Variants in MARK2 observed in about 807,000 individuals in gnomAD.
MARK2 encodes the protein microtubule affinity regulating kinase 2.
A neutral mutation model predicts 89.8 loss-of-function variants in MARK2; 16 were observed. That is an observed-to-expected ratio of 0.18 (90% CI 0.12 to 0.27). The LOEUF (loss-of-function observed/expected upper bound fraction) is 0.27. Among genes scored for constraint, MARK2 ranks in the 10% least tolerant of loss-of-function variants. The pLI, the probability that MARK2 is intolerant of heterozygous loss-of-function variation, is 1.00. For synonymous variants in MARK2, 382 were observed against 399.5 expected (o/e 0.96, Z 0.52); for missense variants, 621 against 1,049.9 (o/e 0.59, Z 5.65).
chr11:63,902,879 A>G lies in MARK2; in HGVS notation c.1416+97A>G. On this transcript the variant is annotated intron_variant, in intron 13 of 18. Transcript: ENST00000402010. The surrounding 1 kb of genome is among the most constrained non-coding windows in gnomAD (Gnocchi z 4.2). ...AATTCAGACTCTGTTCCCTTTGGCT[A>G]CTACTTCTGCTTATAGCAGGAAGCC... is the stretch of plus-strand genomic sequence containing the variant. The G allele has an allele frequency of 8.5e-7, 1 of 1,175,288 alleles. No individual in the cohort carries two copies. The highest frequency in any genetic ancestry group is 2.4e-5 in the East Asian group (1 of 42,192). The allele number at this position is 1,175,288 out of a possible 1,614,324, so 72.8% of individuals were successfully genotyped here.
chr11:63,904,996 G>A lies in MARK2; in HGVS notation c.1887G>A (p.Gly629=), dbSNP rs745421643. ...SPSGHSQGRR[G]ASGSIFSKFT... ...CTGGCCACAGCCAGGGCCGGCGGGGGGCCTCTGGGAGCATCTTCAGCAAGT... is the reference window on the plus strand; with the variant it reads ...CTGGCCACAGCCAGGGCCGGCGGGGAGCCTCTGGGAGCATCTTCAGCAAGT... Residue 629 remains glycine (G), a synonymous_variant, in exon 16 of 19, where the codon GGG becomes GGA. Transcript: ENST00000402010. The surrounding 1 kb of genome is among the most constrained non-coding windows in gnomAD (Gnocchi z 6.3). The A allele has an allele frequency of 2.5e-6, 4 of 1,614,170 alleles. No individual in the cohort carries two copies. Among genetic ancestry groups the A allele is most frequent in the Non-Finnish European group, 3.4e-6 (4 of 1,180,012 alleles).
Position 63,904,782 on chromosome 11 carries a change from A to T in MARK2, c.1677-4A>T. 6.2e-7 allele frequency: 1 copy of T among 1,612,116 alleles called. No individual in the cohort carries two copies. Among genetic ancestry groups the T allele is most frequent in the Non-Finnish European group, 8.5e-7 (1 of 1,179,074 alleles). ...CCCCCTCAACCCCACTTCTCTTCCC[A>T]CAGCACAGCCCCCCAGCGTGTCCCT... On this transcript the variant is annotated splice_region_variant and splice_polypyrimidine_tract_variant and intron_variant, in intron 15 of 18. Transcript: ENST00000402010. The surrounding 1 kb of genome is among the most constrained non-coding windows in gnomAD (Gnocchi z 6.3).
At chr11:63,875,091 C>T (rs1214910534) in intron 1 of MARK2, among the ~76,000 whole-genome samples, 2 of 151,462 alleles carry the variant, frequency 1.3e-5, no homozygotes, top group African/African-American at 2.4e-5. Context: ...GCTGGGACCA[C>T]AGGTGCATGC....
chr11:63,845,571 TA>T (rs1487745892), intron 1 of MARK2, among the ~76,000 whole-genome samples: 4 of 152,012 alleles, frequency 2.6e-5, no homozygotes, highest in Non-Finnish European at 4.4e-5. Context: ...AAGGGAAGAG[TA>T]AGCCTTTACA....
At position 63,907,846 on chromosome 11, in the gene MARK2, G is replaced by A. The variant is rs549127745; in HGVS notation, c.1962-414G>A. Among the ~76,000 whole-genome samples the A allele has an allele frequency of 7.9e-5, 12 of 152,334 alleles. No individual in the cohort carries two copies. The East Asian group carries it at 1.7e-3, about 22-fold the overall frequency. On this transcript the variant is annotated intron_variant, in intron 17 of 18. Transcript: ENST00000402010. The stretch of plus-strand genomic sequence containing the variant: ...AGGACTGCAGTCCTGAGACCCTAGC[G>A]TGTGGCTCCAAAAACGCACTCACAC...
chr11:63,891,880 A>C (rs1424911923), intron 1 of MARK2, among the ~76,000 whole-genome samples: 3 of 152,220 alleles, frequency 2.0e-5, no homozygotes, highest in African/African-American at 7.2e-5. Flanking sequence ...GGACAGGGCT[A>C]GGGTACCCTT....
At chr11:63,874,775 G>A (rs1385437570) in intron 1 of MARK2, among the ~76,000 whole-genome samples, 2 of 152,152 alleles carry the variant, frequency 1.3e-5, no homozygotes, top group Non-Finnish European at 2.9e-5. Context: ...ACCAGCATCA[G>A]CGTTAGATAC....
At chr11:63,857,394 T>C (rs1481121843) in intron 1 of MARK2, among the ~76,000 whole-genome samples, 2 of 151,508 alleles carry the variant, frequency 1.3e-5, no homozygotes, top group Non-Finnish European at 2.9e-5. Flanking sequence ...TTGGTCAGGC[T>C]GGTCTCGAAC....
chr11:63,867,747 C>CA (rs1319725244), intron 1 of MARK2, among the ~76,000 whole-genome samples: 27 of 152,216 alleles, frequency 1.8e-4, no homozygotes, highest in African/African-American at 6.0e-4. Context: ...GCCTAACTCT[C>CA]ACCATGGCTG....
intron 1 of MARK2, among the ~76,000 whole-genome samples, chr11:63,847,627 G>C (rs896972114): frequency 6.6e-6 from 1 of 152,196 alleles, no homozygotes; most frequent in Admixed American, 6.5e-5. Context: ...ACAACTATCT[G>C]TCAACAACCC....
rs778575535 is a variant in MARK2 at position 63,900,909 on chromosome 11, C to A, written c.988+30C>A. On this transcript the variant is annotated intron_variant, in intron 10 of 18. Transcript: ENST00000402010. This position sits in a 1 kb window ranked among gnomAD's most constrained non-coding sequence, Gnocchi z 4.7. ...GGCTGTGCCGGGCTGTGAGGTTAAG[C>A]TTGCCTAGGAGTTGAGGCCAGTCTT... The A allele has an allele frequency of 2.2e-5, 35 of 1,612,406 alleles. No individual in the cohort carries two copies. The highest frequency in any genetic ancestry group is 1.7e-4 in the Middle Eastern group (1 of 6,054).
intron 1 of MARK2, among the ~76,000 whole-genome samples, chr11:63,863,066 T>C (rs1288115137): frequency 3.9e-5 from 6 of 152,174 alleles, no homozygotes; most frequent in African/African-American, 1.4e-4. Flanking sequence ...AGGCCTTGTG[T>C]GTGTTTAGGA....
chr11:63,868,716 C>G (rs1938272506), intron 1 of MARK2: 1 of 451,848 alleles, frequency 2.2e-6, no homozygotes, highest in Non-Finnish European at 4.5e-6. Flanking sequence ...TGCGTTGTTG[C>G]TCCTGGTTAC....
intron 1 of MARK2, among the ~76,000 whole-genome samples, chr11:63,887,225 G>T (rs980603623): frequency 1.3e-5 from 2 of 152,242 alleles, no homozygotes; most frequent in Non-Finnish European, 2.9e-5. Flanking sequence ...ATCAAGAAGG[G>T]TTGATGAGAA....
intron 16 of MARK2, 38 bp from the exon 17 acceptor site, chr11:63,906,048 TTC>T (rs1369564573): frequency 1.1e-5 from 15 of 1,355,732 alleles, no homozygotes; most frequent in Non-Finnish European, 5.7e-6. Context: ...TTTTTTTTAT[TTC>T]TTTTTTTATT....
At position 63,839,570 on chromosome 11, in the gene MARK2, C is replaced by T. The variant is rs374777540; in HGVS notation, c.54+10C>T. On this transcript the variant is annotated intron_variant, in intron 1 of 18. Transcript: ENST00000402010. ...GAGGGACACGGAGCAGGTAAGGAGC[C>T]CCGAGGGCTCCCCGAATTCTCTGGC... 14 of 1,518,442 alleles carry T rather than the reference C, an allele frequency of 9.2e-6. No homozygotes were observed. The African/African-American group carries it at 1.8e-4, about 20-fold the overall frequency. 94.1% of individuals were successfully genotyped at this position (1,518,442 alleles called of 1,614,324 possible). A position where few individuals can be genotyped will look rare whatever the true frequency, so the allele number is the denominator to read the frequency against.
chr11:63,881,575 A>T (rs1939093378), intron 1 of MARK2, among the ~76,000 whole-genome samples: 2 of 152,072 alleles, frequency 1.3e-5, no homozygotes, highest in South Asian at 4.1e-4. Flanking sequence ...TTGGGCACTG[A>T]GGGTATATGA....
At chr11:63,853,690 C>T (rs781575618) in intron 1 of MARK2, among the ~76,000 whole-genome samples, 1 of 152,166 alleles carries the variant, frequency 6.6e-6, no homozygotes. Context: ...ACTGCTGACG[C>T]CGTAACATGG....
chr11:63,864,075 T>A (rs191680053), intron 1 of MARK2, among the ~76,000 whole-genome samples: 1 of 152,220 alleles, frequency 6.6e-6, no homozygotes, highest in African/African-American at 2.4e-5. Flanking sequence ...TGCCTCAGCC[T>A]CCCAAGTAGC....
Sources: gnomAD v4.1 joint callset for allele counts (sites outside exome capture counted in the v4.1 genomes callset) on GRCh38, gnomAD v4.1.1 for gene constraint, Gnocchi (gnomAD v3.1) non-coding constraint, MANE v1.5 for transcripts, NCBI Gene and HGNC (gene_info 2026-07-23, HGNC 2026-07-21) for gene names.